GPC6: variants seen among roughly 807,000 people sequenced by gnomAD.
GPC6 encodes glypican 6, also known as glypican-6.
GPC6 carries 14 observed loss-of-function variants against 55.2 expected under a neutral mutation model. The observed-to-expected ratio is 0.25, with a 90% confidence interval of 0.17 to 0.40. The LOEUF (loss-of-function observed/expected upper bound fraction) is 0.40. Among genes scored for constraint, GPC6 ranks in the 10% least tolerant of loss-of-function variants. GPC6 has a pLI of 1.00. For synonymous variants in GPC6, 278 were observed against 259.6 expected (o/e 1.07, Z -0.68); for missense variants, 641 against 708.5 (o/e 0.90, Z 1.08).
chr13:93,435,415 C>T (rs1029633248), intron 1 of GPC6, among the ~76,000 whole-genome samples: 7 of 152,072 alleles, frequency 4.6e-5, no homozygotes, highest in East Asian at 1.9e-4. Context: ...CATGCCTGGC[C>T]TTGGTTACTT....
In GPC6 at chr13:93,575,697, T is replaced by C. The variant is rs962518649; in HGVS notation, c.319+30276T>C. On this transcript the variant is annotated intron_variant, in intron 2 of 8. Coordinates refer to ENST00000377047, the MANE Select transcript of GPC6 (RefSeq NM_005708.5). ...TAGAGTAGCTTCTAGTCCAAGTACA[T>C]CTTTGAAAGCTGTATTTAAGTTTTG... Among the ~76,000 whole-genome samples, 6 of 152,336 alleles carry C rather than the reference T, an allele frequency of 3.9e-5. No individual in the cohort carries two copies. In the South Asian group the frequency reaches 1.0e-3, roughly 26 times the overall value.
At chr13:94,095,418 A>G (rs1333702388) in intron 4 of GPC6, among the ~76,000 whole-genome samples, 4 of 152,178 alleles carry the variant, frequency 2.6e-5, no homozygotes, top group Admixed American at 6.5e-5. Context: ...TAAAAGAAGT[A>G]AGTTAAATTA....
At chr13:93,765,311 T>TGTCTGGAAAGACAACTTTCCTGATAAGC (rs1368557718) in intron 2 of GPC6, among the ~76,000 whole-genome samples, 1 of 34,084 alleles carries the variant, frequency 2.9e-5, no homozygotes, top group Non-Finnish European at 6.0e-5. Context: ...GACAACTTAT[T>TGTCTGGAAAGACAACTTTCCTGATAAGC]TGGTTTAAGT....
chr13:93,548,396 G>T (rs1244023314), intron 2 of GPC6, among the ~76,000 whole-genome samples: 5 of 152,124 alleles, frequency 3.3e-5, no homozygotes, highest in Non-Finnish European at 7.4e-5. Context: ...ATGTGATCCA[G>T]TCCAAGATAT....
At chr13:93,830,792 G>A in intron 3 of GPC6, 1 of 466,598 alleles carries the variant, frequency 2.1e-6, no homozygotes, top group South Asian at 2.5e-5. Flanking sequence ...CTTATCAGCA[G>A]TATAGCAGAG....
intron 6 of GPC6, among the ~76,000 whole-genome samples, chr13:94,335,177 A>G (rs570143200): frequency 6.6e-6 from 1 of 152,310 alleles, no homozygotes; most frequent in South Asian, 2.1e-4. Context: ...GAGGGCAACA[A>G]CGCTATAAAG....
At chr13:93,775,285 G>A (rs189876369) in intron 2 of GPC6, among the ~76,000 whole-genome samples, 4 of 152,112 alleles carry the variant, frequency 2.6e-5, no homozygotes, top group Non-Finnish European at 5.9e-5. Flanking sequence ...GACCATAGGC[G>A]CACACTGCCT....
intron 6 of GPC6, among the ~76,000 whole-genome samples, chr13:94,327,332 C>A (rs891225734): frequency 1.3e-5 from 2 of 152,152 alleles, no homozygotes; most frequent in Admixed American, 6.6e-5. Context: ...CAGAGCATCT[C>A]ATTGCAGATG....
chr13:94,161,600 G>C (rs1888166650), intron 4 of GPC6, among the ~76,000 whole-genome samples: 1 of 152,110 alleles, frequency 6.6e-6, no homozygotes, highest in South Asian at 2.1e-4. Context: ...ATTTGGAATT[G>C]AACTGTGATG....
intron 1 of GPC6, among the ~76,000 whole-genome samples, chr13:93,514,375 A>G (rs1231149543): frequency 6.6e-6 from 1 of 152,168 alleles, no homozygotes; most frequent in Non-Finnish European, 1.5e-5. Flanking sequence ...ATATTCTCTC[A>G]AGGGAAAATA....
intron 1 of GPC6, among the ~76,000 whole-genome samples, chr13:93,382,396 A>T (rs1171572625): frequency 6.6e-6 from 1 of 152,176 alleles, no homozygotes; most frequent in Non-Finnish European, 1.5e-5. Context: ...AATTGACTTC[A>T]GCTTTTTCAA....
At chr13:94,125,365 C>T (rs1250773568) in intron 4 of GPC6, among the ~76,000 whole-genome samples, 8 of 152,102 alleles carry the variant, frequency 5.3e-5, no homozygotes, top group Admixed American at 3.9e-4. Flanking sequence ...AGAAATAGCT[C>T]GTCTTATGAT....
intron 3 of GPC6, among the ~76,000 whole-genome samples, chr13:93,901,861 A>C (rs906862777): frequency 2.7e-5 from 4 of 150,178 alleles, no homozygotes; most frequent in Non-Finnish European, 5.9e-5. Context: ...AGATCACGCC[A>C]CTGCACTCCA....
In GPC6 at chr13:94,153,066, G is replaced by A. The variant is rs373589595; in HGVS notation, c.877+125172G>A. 7.9e-5 allele frequency among the ~76,000 whole-genome samples: 12 copies of A among 152,068 alleles called. No homozygotes were observed. In the South Asian group the frequency reaches 8.3e-4, roughly 11 times the overall value. On this transcript the variant is annotated intron_variant, in intron 4 of 8. Coordinates refer to ENST00000377047, the MANE Select transcript of GPC6 (RefSeq NM_005708.5). ...TGTAATTTCAAGTAAGTTATGTGTC[G>A]TGCAACCATTACTGGAATAAGTGTT...
intron 3 of GPC6, among the ~76,000 whole-genome samples, chr13:93,965,360 G>A (rs887638327): frequency 1.8e-4 from 27 of 152,060 alleles, no homozygotes; most frequent in African/African-American, 6.3e-4. Flanking sequence ...TCAGTGAGCC[G>A]AGATTGCGCC....
intron 3 of GPC6, among the ~76,000 whole-genome samples, chr13:93,970,594 A>G (rs932947909): frequency 3.9e-5 from 6 of 152,206 alleles, no homozygotes; most frequent in Non-Finnish European, 8.8e-5. Context: ...TTAAATGAGT[A>G]AGGAGACATC....
intron 4 of GPC6, among the ~76,000 whole-genome samples, chr13:94,178,859 G>C (rs528813339): frequency 2.0e-5 from 3 of 152,194 alleles, no homozygotes; most frequent in African/African-American, 7.2e-5. Flanking sequence ...GAATCTAAAC[G>C]GTTGGATGTT....
intron 2 of GPC6, among the ~76,000 whole-genome samples, chr13:93,745,034 C>T (rs1011824403): frequency 7.2e-5 from 11 of 152,050 alleles, no homozygotes; most frequent in African/African-American, 2.4e-4. Flanking sequence ...TTCCAAAAGC[C>T]TTCCCAACTC....
At chr13:93,298,965 A>G (rs1193038318) in intron 1 of GPC6, among the ~76,000 whole-genome samples, 1 of 149,858 alleles carries the variant, frequency 6.7e-6, no homozygotes, top group African/African-American at 2.5e-5. Flanking sequence ...CACTTCTGTT[A>G]CTTGCATCTA....
Sources: allele counts gnomAD v4.1 joint callset (sites outside exome capture counted in the v4.1 genomes callset), GRCh38; gene constraint gnomAD v4.1.1; transcripts MANE v1.5; gene names NCBI Gene and HGNC (gene_info 2026-07-23, HGNC 2026-07-21).